The following UNC13C variants were observed in gnomAD, a reference collection of about 807,000 sequenced individuals.
UNC13C encodes unc-13 homolog C.
Under a neutral mutation model 245.4 loss-of-function variants are expected in UNC13C, and 174 were observed. The observed-to-expected ratio is 0.71, with a 90% CI of 0.63 to 0.80. The LOEUF is 0.80. Ranked by LOEUF, UNC13C falls within the 30% of genes least tolerant of loss-of-function variation. UNC13C has a pLI of 0.00. For synonymous variants in UNC13C, 992 were observed against 895.1 expected, an observed-to-expected ratio of 1.11 and a Z score of -1.93; for missense variants, 2,829 against 2,602.9, an observed-to-expected ratio of 1.09 and a Z score of -1.89.
intron 13 of UNC13C, among the ~76,000 whole-genome samples, chr15:54,311,802 T>C (rs1273752257): frequency 6.6e-6 from 1 of 151,840 alleles, no homozygotes; most frequent in Non-Finnish European, 1.5e-5. Context: ...ACAAAATTCT[T>C]GTTCAATGAT....
intron 8 of UNC13C, among the ~76,000 whole-genome samples, chr15:54,255,884 C>A (rs1158221735): frequency 1.3e-5 from 2 of 152,156 alleles, no homozygotes; most frequent in African/African-American, 4.8e-5. Context: ...GAAATGAATG[C>A]AATGGTCAGT....
chr15:54,463,896 G>A (rs1250654520), intron 19 of UNC13C, among the ~76,000 whole-genome samples: 1 of 152,178 alleles, frequency 6.6e-6, no homozygotes, highest in Non-Finnish European at 1.5e-5. Flanking sequence ...GATGGCTGAA[G>A]TGGAAGAAGG....
At chr15:53,967,366 C>T in the UNC13C span, among the ~76,000 whole-genome samples, 31 of 151,138 alleles carry the variant, frequency 2.1e-4, no homozygotes, top group Non-Finnish European at 1.5e-5. Flanking sequence ...TTCGAATCGT[C>T]ATGAGTTGAA....
At chr15:54,533,578 C>A (rs575197982) in intron 26 of UNC13C, among the ~76,000 whole-genome samples, 16 of 152,320 alleles carry the variant, frequency 1.1e-4, no homozygotes, top group African/African-American at 3.4e-4. Flanking sequence ...ATTTTACACA[C>A]TGGACAGTGA....
chr15:54,356,518 C>T (rs558817946), intron 17 of UNC13C, among the ~76,000 whole-genome samples: 1 of 152,116 alleles, frequency 6.6e-6, no homozygotes, highest in African/African-American at 2.4e-5. Context: ...GATCAAGATG[C>T]CCATAGATAT....
chr15:54,152,865 AAAG>A (rs2141253055), intron 4 of UNC13C, among the ~76,000 whole-genome samples: 1 of 152,264 alleles, frequency 6.6e-6, no homozygotes, highest in Non-Finnish European at 1.5e-5. Flanking sequence ...GAGAAAAAAA[AAAG>A]AGGAACACTG....
chr15:54,280,699 TATAC>T (rs1410521922), intron 10 of UNC13C, among the ~76,000 whole-genome samples: 2 of 66,518 alleles, frequency 3.0e-5, no homozygotes, highest in Admixed American at 1.4e-4. Context: ...TAAACATATG[TATAC>T]ATACATATAT....
intron 26 of UNC13C, among the ~76,000 whole-genome samples, chr15:54,541,968 G>C (rs941253415): frequency 6.6e-6 from 1 of 151,942 alleles, no homozygotes; most frequent in East Asian, 1.9e-4. Flanking sequence ...AATACACATC[G>C]GGGTGAGGGT....
chr15:54,483,558 C>T (rs997667827), intron 19 of UNC13C, among the ~76,000 whole-genome samples: 4 of 152,156 alleles, frequency 2.6e-5, no homozygotes, highest in East Asian at 1.9e-4. Flanking sequence ...TGCAGTGGCG[C>T]GATCTCAGCT....
At chr15:54,175,637 C>G (rs200304486) in intron 4 of UNC13C, among the ~76,000 whole-genome samples, 6 of 151,640 alleles carry the variant, frequency 4.0e-5, no homozygotes. Flanking sequence ...CTCAGCCTCC[C>G]GAGTAGCTGG....
intron 17 of UNC13C, among the ~76,000 whole-genome samples, chr15:54,338,780 T>C (rs549550283): frequency 5.3e-5 from 8 of 152,320 alleles, no homozygotes; most frequent in Non-Finnish European, 8.8e-5. Context: ...AGGTAGGTAA[T>C]TGGCAGATTT....
intron 30 of UNC13C, among the ~76,000 whole-genome samples, chr15:54,595,432 G>A (rs765791455): frequency 2.6e-5 from 4 of 152,086 alleles, no homozygotes; most frequent in African/African-American, 4.8e-5. Context: ...TTGGGGTGTC[G>A]CCCGGTCCCT....
intron 2 of UNC13C, among the ~76,000 whole-genome samples, chr15:54,065,831 A>G (rs1033421481): frequency 6.6e-6 from 1 of 152,162 alleles, no homozygotes; most frequent in African/African-American, 2.4e-5. Flanking sequence ...ACACCAACCT[A>G]CTCTCTGCTA....
At chr15:54,461,377 A>G (rs1271720793) in intron 19 of UNC13C, among the ~76,000 whole-genome samples, 1 of 152,154 alleles carries the variant, frequency 6.6e-6, no homozygotes, top group Non-Finnish European at 1.5e-5. Flanking sequence ...CCAAAACACT[A>G]CTGGTCCCTA....
chr15:54,106,422 C>A (rs1322908632), intron 2 of UNC13C, among the ~76,000 whole-genome samples: 2 of 152,274 alleles, frequency 1.3e-5, no homozygotes, highest in African/African-American at 4.8e-5. Flanking sequence ...AAAAACACAT[C>A]AAGCAAAAAT....
chr15:54,415,897 A>C (rs1027134959), intron 19 of UNC13C, among the ~76,000 whole-genome samples: 3 of 152,216 alleles, frequency 2.0e-5, no homozygotes, highest in Non-Finnish European at 4.4e-5. Context: ...CTAGGGGACA[A>C]GGCAGGCTTA....
At chr15:53,888,899 A>G in the UNC13C span, among the ~76,000 whole-genome samples, 107 of 152,156 alleles carry the variant, frequency 7.0e-4, 1 homozygote, top group South Asian at 0.022. Flanking sequence ...GTTCTGTTCC[A>G]TTGGTCTAAA....
In UNC13C at chr15:54,261,565, C is replaced by T. The variant is rs551654772; in HGVS notation, c.3449-2603C>T. 4.9e-5 allele frequency among the ~76,000 whole-genome samples: 7 copies of T among 143,428 alleles called. No individual in the cohort carries two copies. The South Asian group carries it at 6.9e-4, about 14-fold the overall frequency. The allele number at this position is 143,428 out of a possible 152,430, so 94.1% of individuals were successfully genotyped here. ...TGTTTTGTTTTGTTTTGTTTTGAGACGGAGTCTCGCTCTGTCGCCCAGGCT... is the reference window on the plus strand; with the variant it reads ...TGTTTTGTTTTGTTTTGTTTTGAGATGGAGTCTCGCTCTGTCGCCCAGGCT... On this transcript the variant is annotated intron_variant, in intron 8 of 32. Coordinates refer to ENST00000260323, the MANE Select transcript of UNC13C (RefSeq NM_001080534.3).
chr15:54,391,563 T>G (rs1391745799), intron 17 of UNC13C, among the ~76,000 whole-genome samples: 1 of 152,166 alleles, frequency 6.6e-6, no homozygotes, highest in Non-Finnish European at 1.5e-5. Flanking sequence ...ACTTTCAAGT[T>G]GTTCTCGGGG....
Sources: allele counts gnomAD v4.1 joint callset (sites outside exome capture counted in the v4.1 genomes callset), GRCh38; gene constraint gnomAD v4.1.1; transcripts MANE v1.5; gene names NCBI Gene and HGNC (gene_info 2026-07-23, HGNC 2026-07-21).